SULT1E1: variants seen among roughly 807,000 people sequenced by gnomAD.
The protein encoded by SULT1E1 is sulfotransferase 1E1.
SULT1E1 carries 36 observed loss-of-function variants against 33.6 expected under a neutral mutation model. The observed-to-expected ratio is 1.07, with a 90% CI of 0.82 to 1.41. The LOEUF is 1.41. Ranked by LOEUF, SULT1E1 falls within the 40% of genes most tolerant of loss-of-function variation. SULT1E1 has a pLI of 0.00. For synonymous variants in SULT1E1, 121 were observed against 111.7 expected (o/e 1.08, Z -0.53); for missense variants, 371 against 345.7 (o/e 1.07, Z -0.58).
chr4:69,852,741 A>C (rs772127895), intron 4 of SULT1E1, among the ~76,000 whole-genome samples: 6 of 152,166 alleles, frequency 3.9e-5, no homozygotes, highest in African/African-American at 7.2e-5. Flanking sequence ...AAATACTCCA[A>C]ACATGAATCC....
chr4:69,828,785 A>T, the SULT1E1 span, among the ~76,000 whole-genome samples: 6 of 152,344 alleles, frequency 3.9e-5, no homozygotes, highest in African/African-American at 1.4e-4. Flanking sequence ...GGACACTTTC[A>T]GAGCAGATTT....
chr4:69,830,612 G>A, the SULT1E1 span, among the ~76,000 whole-genome samples: 1 of 152,260 alleles, frequency 6.6e-6, no homozygotes, highest in East Asian at 1.9e-4. Context: ...CGTCATTTGG[G>A]TCCCAATTGG....
chr4:69,857,540 T>C lies in SULT1E1; in HGVS notation c.105A>G (p.Ala35=). ...TGGCAATGACAAGATCATCTGGTCT[T>C]GCCTGGAACGCTTCCACATTATCCC... The part of the protein sequence containing the change: ...KYWDNVEAFQ[A]RPDDLVIATY... Residue 35 remains alanine, a synonymous_variant, in exon 2 of 8, where the codon GCA becomes GCG. Transcript: ENST00000226444. The C allele has an allele frequency of 6.2e-7, 1 of 1,612,936 alleles. No individual in the cohort carries two copies. Among genetic ancestry groups the C allele is most frequent in the Non-Finnish European group, 8.5e-7 (1 of 1,179,662 alleles).
intron 2 of SULT1E1, among the ~76,000 whole-genome samples, chr4:69,856,824 T>C (rs1318102885): frequency 6.7e-6 from 1 of 149,122 alleles, no homozygotes; most frequent in Non-Finnish European, 1.5e-5. Context: ...CAGTCCCAGC[T>C]ACTCGGGAGG....
At chr4:69,856,454 A>C (rs1042868607) in intron 2 of SULT1E1, among the ~76,000 whole-genome samples, 1 of 152,224 alleles carries the variant, frequency 6.6e-6, no homozygotes, top group Non-Finnish European at 1.5e-5. Flanking sequence ...ACCTGTTAAG[A>C]GGCTGACTGT....
chr4:69,843,095 C>A (rs1158399586), intron 7 of SULT1E1, among the ~76,000 whole-genome samples: 2 of 152,148 alleles, frequency 1.3e-5, no homozygotes, highest in African/African-American at 4.8e-5. Context: ...CTCGGCCTCC[C>A]AAAGTGCTGG....
Position 69,841,815 on chromosome 4 carries a change from T to C in SULT1E1, c.*179A>G. The C allele has an allele frequency of 2.3e-6, 1 of 426,074 alleles. No individual in the cohort carries two copies. Among genetic ancestry groups the C allele is most frequent in the East Asian group, 4.5e-5 (1 of 22,440 alleles). The allele number at this position is 426,074 out of a possible 1,614,324, so 26.4% of individuals were successfully genotyped here. ...ATGATTGTGCCACTGTCCTCCAGCCTAGGCAACAGAGTGAGACTCTGTCTC... is the reference window on the plus strand; with the variant it reads ...ATGATTGTGCCACTGTCCTCCAGCCCAGGCAACAGAGTGAGACTCTGTCTC... On this transcript the variant is annotated 3_prime_UTR_variant, in exon 8 of 8. Transcript: ENST00000226444.
chr4:69,857,407 AGAAT>A (rs1721264275), intron 2 of SULT1E1, 89 bp downstream of exon 2: 1 of 1,432,560 alleles, frequency 7.0e-7, no homozygotes, highest in South Asian at 1.5e-5. Context: ...CTTAATATAG[AGAAT>A]GAGTGTGTAC....
At chr4:69,824,230 G>A in the SULT1E1 span, among the ~76,000 whole-genome samples, 1 of 152,192 alleles carries the variant, frequency 6.6e-6, no homozygotes, top group Non-Finnish European at 1.5e-5. Context: ...GTGGCAGATA[G>A]TGCCTTAAAA....
the SULT1E1 span, among the ~76,000 whole-genome samples, chr4:69,829,308 C>T: frequency 1.5e-4 from 23 of 152,228 alleles, no homozygotes; most frequent in Non-Finnish European, 3.2e-4. Flanking sequence ...CTTATGAAGT[C>T]GCTCTAAGTG....
the SULT1E1 span, among the ~76,000 whole-genome samples, chr4:69,824,672 G>T: frequency 6.6e-6 from 1 of 152,074 alleles, no homozygotes; most frequent in African/African-American, 2.4e-5. Context: ...CTAGCTAAAG[G>T]ATTGTAAATG....
At chr4:69,842,741 C>A (rs964073589) in intron 7 of SULT1E1, among the ~76,000 whole-genome samples, 1 of 152,066 alleles carries the variant, frequency 6.6e-6, no homozygotes, top group African/African-American at 2.4e-5. Context: ...GAGAGTGTTT[C>A]TCATCTGGGT....
chr4:69,855,731 A>T (rs1721219578), intron 2 of SULT1E1, among the ~76,000 whole-genome samples: 3 of 152,178 alleles, frequency 2.0e-5, no homozygotes, highest in Admixed American at 1.3e-4. Flanking sequence ...TTTACATCTA[A>T]AAAGTAAGAA....
chr4:69,831,708 G>A, the SULT1E1 span, among the ~76,000 whole-genome samples: 4 of 152,024 alleles, frequency 2.6e-5, no homozygotes, highest in South Asian at 2.1e-4. Context: ...CGACCAGACC[G>A]TCTCCTATTA....
chr4:69,847,675 C>A, intron 6 of SULT1E1, 23 bp downstream of exon 6: 1 of 1,476,396 alleles, frequency 6.8e-7, no homozygotes, highest in South Asian at 1.2e-5. Context: ...TACCAAGTTG[C>A]TTATGTGTTC....
chr4:69,847,675 C>CT, intron 6 of SULT1E1, 23 bp downstream of exon 6: 1 of 1,476,396 alleles, frequency 6.8e-7, no homozygotes, highest in East Asian at 2.3e-5. Context: ...TACCAAGTTG[C>CT]TTATGTGTTC....
rs1721268321 is a variant in SULT1E1, at chr4:69,857,564, C to A, written c.81G>T (p.Trp27Cys). Residue 27 changes from tryptophan (W) to cysteine (C), a missense_variant, in exon 2 of 8, where the codon TGG becomes TGT. Transcript: ENST00000226444. ...TTGCCTGGAACGCTTCCACATTATC[C>A]CAATATTTGACAAAATCTTTATACA... The part of the protein sequence containing the change: ...ILMYKDFVKY[W>C]DNVEAFQARP... The A allele has an allele frequency of 6.2e-7, 1 of 1,613,282 alleles. No homozygotes were observed. The highest frequency in any genetic ancestry group is 1.1e-5 in the South Asian group (1 of 90,926).
At chr4:69,836,197 T>TATC in the SULT1E1 span, among the ~76,000 whole-genome samples, 1 of 152,236 alleles carries the variant, frequency 6.6e-6, no homozygotes, top group Non-Finnish European at 1.5e-5. Context: ...TTAAATATGT[T>TATC]ATCTTCCACA....
chr4:69,853,021 T>C (rs1474414818), intron 4 of SULT1E1, among the ~76,000 whole-genome samples: 1 of 152,202 alleles, frequency 6.6e-6, no homozygotes, highest in Non-Finnish European at 1.5e-5. Flanking sequence ...ATCGTCTATC[T>C]AGGATTGCTA....
Sources: gnomAD v4.1 joint callset for allele counts (sites outside exome capture counted in the v4.1 genomes callset) on GRCh38, gnomAD v4.1.1 for gene constraint, MANE v1.5 for transcripts, NCBI Gene and HGNC (gene_info 2026-07-23, HGNC 2026-07-21) for gene names.